The following ERCC8 variants were observed in gnomAD, a reference collection of about 807,000 sequenced individuals.
ERCC8 encodes the protein DNA excision repair protein ERCC-8.
ERCC8 carries 52 observed loss-of-function variants against 54.9 expected under a neutral mutation model. That is an observed-to-expected ratio of 0.95 (90% CI 0.76 to 1.19). The LOEUF (loss-of-function observed/expected upper bound fraction) is 1.19, where lower values mean the gene tolerates loss of function less well. Ranked by LOEUF, ERCC8 falls within the 50% of genes most tolerant of loss-of-function variation. The pLI is 0.00. For synonymous variants in ERCC8, 146 were observed against 157.2 expected, an observed-to-expected ratio of 0.93 and a Z score of 0.53; for missense variants, 514 against 466.1, an observed-to-expected ratio of 1.10 and a Z score of -0.95.
chr5:60,880,821 T>A (rs1440020185), intron 11 of ERCC8, among the ~76,000 whole-genome samples: 1 of 152,242 alleles, frequency 6.6e-6, no homozygotes, highest in Non-Finnish European at 1.5e-5. Flanking sequence ...CTTCCTCCTT[T>A]AGCCCGGAGT....
intron 4 of ERCC8, among the ~76,000 whole-genome samples, chr5:60,909,259 A>G: frequency 7.1e-6 from 1 of 140,646 alleles, no homozygotes; most frequent in Non-Finnish European, 1.5e-5. Flanking sequence ...AAAAAAAAAA[A>G]AAAAAAAAAA....
intron 10 of ERCC8, among the ~76,000 whole-genome samples, chr5:60,890,015 C>T (rs1214332581): frequency 1.3e-5 from 2 of 151,870 alleles, no homozygotes; most frequent in African/African-American, 4.8e-5. Flanking sequence ...CGCTTGGGGG[C>T]TTGGTGCAGC....
At chr5:60,877,671 T>A (rs922772446) in intron 11 of ERCC8, among the ~76,000 whole-genome samples, 2 of 151,534 alleles carry the variant, frequency 1.3e-5, no homozygotes, top group African/African-American at 4.8e-5. Context: ...ATTTGGCTGT[T>A]TGTCTGTTAT....
Position 60,867,037 on chromosome 5 carries a change from C to T in ERCC8, c.*7578G>A, listed in dbSNP as rs1235433808. The T allele has an allele frequency of 2.6e-5, 4 of 151,952 alleles. No individual in the cohort carries two copies. The highest frequency in any genetic ancestry group is 9.7e-5 in the African/African-American group (4 of 41,354). 9.4% of individuals were successfully genotyped at this position (151,952 alleles called of 1,614,324 possible). On this transcript the variant is annotated 3_prime_UTR_variant, in exon 12 of 12. Coordinates refer to ENST00000676185, the MANE Select transcript of ERCC8 (RefSeq NM_000082.4). ...ATTTTTAGTAAAGACGGGGTTTCAC[C>T]ATGTTAGCCAGGATGGTCTCGATCT...
intron 1 of ERCC8, among the ~76,000 whole-genome samples, chr5:60,935,116 T>A (rs544712537): frequency 6.6e-6 from 1 of 152,298 alleles, no homozygotes; most frequent in South Asian, 2.1e-4. Context: ...ATTTGTAGAT[T>A]GTTTTTGGCA....
chr5:60,924,147 T>G (rs762942785), intron 2 of ERCC8: 25 of 152,226 alleles, frequency 1.6e-4, no homozygotes, highest in Non-Finnish European at 1.8e-4. Flanking sequence ...CTTTGGTGAC[T>G]GCATTCATGT....
At position 60,868,224 on chromosome 5, in the gene ERCC8, A is replaced by T. The variant is rs1747793278; in HGVS notation, c.*6391T>A. Among the ~76,000 whole-genome samples, 1 of 152,198 alleles carries T rather than the reference A, an allele frequency of 6.6e-6. No individual in the cohort carries two copies. The highest frequency in any genetic ancestry group is 2.4e-5 in the African/African-American group (1 of 41,452). On this transcript the variant is annotated 3_prime_UTR_variant, in exon 12 of 12. Coordinates refer to ENST00000676185, the MANE Select transcript of ERCC8 (RefSeq NM_000082.4). ...ATTAACAAACTGTCAAGGCATAAAA[A>T]CACGAGCAGCTTAATGAACTTAGTC...
intron 2 of ERCC8, among the ~76,000 whole-genome samples, chr5:60,925,811 T>C (rs1044019279): frequency 1.3e-5 from 2 of 152,172 alleles, no homozygotes; most frequent in South Asian, 2.1e-4. Context: ...AAAAACTGCA[T>C]TGACATTGTC....
At position 60,944,788 on chromosome 5, in the gene ERCC8, A is replaced by C. The variant is rs929730120; in HGVS notation, c.77+144T>G. The C allele has an allele frequency of 3.9e-5, 18 of 456,002 alleles. No individual in the cohort carries two copies. In the Admixed American group the frequency reaches 4.7e-4, roughly 12 times the overall value. The allele number at this position is 456,002 out of a possible 1,614,324, so 28.2% of individuals were successfully genotyped here. The stretch of plus-strand genomic sequence containing the variant: ...GTTACCAGTAAATAAAAGGGATCCT[A>C]TTTTAGCAAGCCACACAGCATTAGA... On this transcript the variant is annotated intron_variant, in intron 1 of 11. Transcript: ENST00000676185.
rs547470940 is a variant in ERCC8 at position 60,913,048 on chromosome 5, T to C, written c.399+5217A>G. On this transcript the variant is annotated intron_variant, in intron 4 of 11. Transcript: ENST00000676185. ...TGTTCATTTGGGATATTGGTGTAAA[T>C]TTCTCTTTTTTTGTTGTGTCTCTGC... Among the ~76,000 whole-genome samples, 10 of 152,056 alleles carry C rather than the reference T, an allele frequency of 6.6e-5. No individual in the cohort carries two copies. In the South Asian group the frequency reaches 2.1e-3, roughly 32 times the overall value.
In ERCC8 at chr5:60,940,496, A is replaced by G. The variant is rs371826720; in HGVS notation, c.77+4436T>C. Among the ~76,000 whole-genome samples, 3 of 152,364 alleles carry G rather than the reference A, an allele frequency of 2.0e-5. No homozygotes were observed. The East Asian group carries it at 5.8e-4, about 29-fold the overall frequency. On this transcript the variant is annotated intron_variant, in intron 1 of 11. Transcript: ENST00000676185. ...CCTAAAGTTTCTGGCTAGATGGCCA[A>G]AACAGGGAGTCCCAGAGAACTGGGA...
intron 1 of ERCC8, among the ~76,000 whole-genome samples, chr5:60,929,543 C>T (rs1749848234): frequency 1.3e-5 from 2 of 152,136 alleles, no homozygotes; most frequent in South Asian, 2.1e-4. Context: ...GCCATAATCA[C>T]TTCATTGCAC....
At chr5:60,915,288 T>C (rs1754811213) in intron 4 of ERCC8, 1 of 152,084 alleles carries the variant, frequency 6.6e-6, no homozygotes, top group African/African-American at 2.4e-5. Flanking sequence ...TTTTGAGTGC[T>C]AGAAATTATA....
intron 11 of ERCC8, among the ~76,000 whole-genome samples, chr5:60,877,661 A>G (rs1160470878): frequency 6.6e-6 from 1 of 151,908 alleles, no homozygotes; most frequent in East Asian, 1.9e-4. Flanking sequence ...TTCACTCGTG[A>G]TTTGGCTGTT....
chr5:60,930,942 AC>A (rs983908258), intron 1 of ERCC8, among the ~76,000 whole-genome samples: 6 of 152,066 alleles, frequency 3.9e-5, no homozygotes, highest in Non-Finnish European at 7.4e-5. Context: ...CCCCGTCTCT[AC>A]TAAAAATACA....
At chr5:60,878,527 C>T (rs925113326) in intron 11 of ERCC8, among the ~76,000 whole-genome samples, 5 of 152,076 alleles carry the variant, frequency 3.3e-5, no homozygotes, top group South Asian at 2.1e-4. Context: ...GGTAAGCTAT[C>T]AATGATTGCC....
chr5:60,933,208 TTTTTTTTC>T (rs1379555423), intron 1 of ERCC8, among the ~76,000 whole-genome samples: 2 of 119,696 alleles, frequency 1.7e-5, no homozygotes, highest in African/African-American at 3.1e-5. Flanking sequence ...CATTTTTTCC[TTTTTTTTC>T]TTTTTTTTTT....
chr5:60,867,923 G>A lies in ERCC8; in HGVS notation c.*6692C>T, dbSNP rs1412686766. Among the ~76,000 whole-genome samples, 2 of 152,224 alleles carry A rather than the reference G, an allele frequency of 1.3e-5. No homozygotes were observed. The highest frequency in any genetic ancestry group is 4.8e-5 in the African/African-American group (2 of 41,470). On this transcript the variant is annotated 3_prime_UTR_variant, in exon 12 of 12. Transcript: ENST00000676185. ...AGGCTGGCCGCGGTGGCTCATGCCT[G>A]TAATCCCTGCACTTTGGGAGGTCAA...
intron 11 of ERCC8, among the ~76,000 whole-genome samples, chr5:60,881,642 C>A (rs1027174828): frequency 1.1e-3 from 169 of 152,284 alleles, no homozygotes; most frequent in African/African-American, 3.8e-3. Context: ...GCTCTGTGGG[C>A]GTCGGACCCT....
Sources: gnomAD v4.1 joint callset for allele counts (sites outside exome capture counted in the v4.1 genomes callset) on GRCh38, gnomAD v4.1.1 for gene constraint, MANE v1.5 for transcripts, NCBI Gene and HGNC (gene_info 2026-07-23, HGNC 2026-07-21) for gene names.